SH3TC2: variants seen among roughly 807,000 people sequenced by gnomAD.
The protein encoded by SH3TC2 is SH3 domain and tetratricopeptide repeat-containing protein 2.
A neutral mutation model predicts 124.5 loss-of-function variants in SH3TC2; 87 were observed. The observed-to-expected ratio is 0.70, with a 90% confidence interval of 0.59 to 0.84. The LOEUF is 0.84. SH3TC2 is among the 40% of genes least tolerant of loss of function. The pLI is 0.00. For synonymous variants in SH3TC2, 634 were observed against 628.5 expected (o/e 1.01, Z -0.13); for missense variants, 1,536 against 1,566.4 (o/e 0.98, Z 0.33).
Position 149,048,056 on chromosome 5 carries a change from A to G in SH3TC2, c.152-67T>C, listed in dbSNP as rs1435393667. ...ATAAAAAGGAAGAAAGAGTTAGATT[A>G]GCCCACAGTTTCCCCTACATGTATA... On this transcript the variant is annotated intron_variant, in intron 2 of 16. Transcript: ENST00000515425. 3.7e-6 allele frequency: 6 copies of G among 1,602,742 alleles called. No individual in the cohort carries two copies. In the African/African-American group the frequency reaches 6.7e-5, roughly 18 times the overall value.
chr5:149,034,391 C>A, intron 8 of SH3TC2: 2 of 281,912 alleles, frequency 7.1e-6, no homozygotes, highest in Non-Finnish European at 1.4e-5. Flanking sequence ...TCCAACGTAC[C>A]TCTAATAGGA....
chr5:149,030,530 G>A (rs988400444), intron 9 of SH3TC2, among the ~76,000 whole-genome samples: 7 of 152,212 alleles, frequency 4.6e-5, no homozygotes, highest in African/African-American at 9.7e-5. Context: ...TCAGGCTCCC[G>A]CCTACTGGGC....
intron 9 of SH3TC2, among the ~76,000 whole-genome samples, chr5:149,030,615 T>C (rs1404107480): frequency 6.6e-6 from 1 of 152,248 alleles, no homozygotes; most frequent in Non-Finnish European, 1.5e-5. Flanking sequence ...GCAAGAAAGC[T>C]CTGCTAGGGC....
chr5:149,053,107 AC>A (rs2127403657), intron 1 of SH3TC2, among the ~76,000 whole-genome samples: 1 of 152,254 alleles, frequency 6.6e-6, no homozygotes, highest in African/African-American at 2.4e-5. Context: ...GAGTTAGGGA[AC>A]CTTGGCTCAA....
chr5:148,990,582 A>G lies in SH3TC2; in HGVS notation c.*14129T>C, dbSNP rs1055395363. ...GCCCCTGCTACTCACAAGCTATTGG[A>G]CCTCAAACAAGTTACTGAACTTCTC... is the stretch of plus-strand genomic sequence containing the variant. On this transcript the variant is annotated 3_prime_UTR_variant, in exon 17 of 17. Transcript: ENST00000515425. Among the ~76,000 whole-genome samples, 1 of 152,174 alleles carries G rather than the reference A, an allele frequency of 6.6e-6. No homozygotes were observed. Among genetic ancestry groups the G allele is most frequent in the African/African-American group, 2.4e-5 (1 of 41,450 alleles).
chr5:149,009,205 TAGA>T (rs1408337646), intron 14 of SH3TC2, among the ~76,000 whole-genome samples: 1 of 152,164 alleles, frequency 6.6e-6, no homozygotes, highest in African/African-American at 2.4e-5. Context: ...GATCTTAAAG[TAGA>T]AGAAGTAGAG....
intron 1 of SH3TC2, among the ~76,000 whole-genome samples, chr5:149,059,659 A>AG (rs1754711611): frequency 6.6e-6 from 1 of 152,138 alleles, no homozygotes; most frequent in Admixed American, 6.5e-5. Flanking sequence ...AAAAAAAAAA[A>AG]AAGTTGCATC....
At chr5:149,020,404 T>C (rs1269811326) in intron 12 of SH3TC2, among the ~76,000 whole-genome samples, 1 of 151,862 alleles carries the variant, frequency 6.6e-6, no homozygotes, top group African/African-American at 2.4e-5. Context: ...AATGCAGTAA[T>C]GGAGAAATAG....
rs1427095804 is a variant in SH3TC2, at chr5:148,999,509, C to T, written c.*5202G>A. ...CTTCCTTCTTTGCCGCTTGTCCACA[C>T]ATCTCAATGGGAGCAATTAAAAGAG... On this transcript the variant is annotated 3_prime_UTR_variant, in exon 17 of 17. Transcript: ENST00000515425. Among the ~76,000 whole-genome samples, 1 of 152,176 alleles carries T rather than the reference C, an allele frequency of 6.6e-6. No homozygotes were observed. The highest frequency in any genetic ancestry group is 2.4e-5 in the African/African-American group (1 of 41,434).
intron 9 of SH3TC2, among the ~76,000 whole-genome samples, chr5:149,029,851 G>A (rs1240601662): frequency 6.6e-6 from 1 of 152,008 alleles, no homozygotes; most frequent in Non-Finnish European, 1.5e-5. Context: ...TCCACAGGAT[G>A]GTAGCTGCTA....
Position 149,047,892 on chromosome 5 carries a change from A to G in SH3TC2, c.249T>C (p.Asn83=), listed in dbSNP as rs780621995. The stretch of plus-strand genomic sequence containing the variant: ...ACAGCATGCGCACCTCCTGGTCCTC[A>G]TTCTCCAGTGCCCAGAGCCGCCTCC... The part of the protein sequence containing the change: ...AARRRLWALE[N]EDQEVRMLFK... Residue 83 remains asparagine, a synonymous_variant, in exon 3 of 17, where the codon AAT becomes AAC. Coordinates refer to ENST00000515425, the MANE Select transcript of SH3TC2 (RefSeq NM_024577.4). 1 of 1,614,182 alleles carries G rather than the reference A, an allele frequency of 6.2e-7. No individual in the cohort carries two copies. The highest frequency in any genetic ancestry group is 8.5e-7 in the Non-Finnish European group (1 of 1,180,038).
At position 149,027,523 on chromosome 5, in the gene SH3TC2, A is replaced by T; in HGVS notation, c.2209T>A (p.Cys737Ser). The T allele has an allele frequency of 1.2e-6, 2 of 1,614,226 alleles. No individual in the cohort carries two copies. The highest frequency in any genetic ancestry group is 1.7e-6 in the Non-Finnish European group (2 of 1,180,044). The change falls in exon 11 of 17, where the codon TGC becomes AGC. Residue 737 changes from cysteine (C) to serine (S), a missense_variant. By Grantham distance (112) the Cys-to-Ser change is moderately radical. Transcript: ENST00000515425. ...GCCAGGGCCTGTCTGAGCATTGGGC[A>T]GGCCAAGGCAGAAACTTCACCCCAG... ...PGWGEVSALA[C>S]PMLRQALAAC...
chr5:149,041,725 G>T (rs1580910137), intron 5 of SH3TC2, 108 bp from the exon 6 acceptor site: 1 of 1,239,758 alleles, frequency 8.1e-7, no homozygotes, highest in Non-Finnish European at 1.2e-6. Context: ...TTTTCTTCCT[G>T]GAAGTAAAGT....
rs138600983 is a variant in SH3TC2, at chr5:148,991,481, G to A, written c.*13230C>T. Among the ~76,000 whole-genome samples the A allele has an allele frequency of 2.9e-3, 435 of 152,278 alleles. 2 individuals carry two copies. The highest frequency in any genetic ancestry group is 0.01 in the African/African-American group (416 of 41,562). ...ATTTCCCAGGACCCAGGAGTCTTTG[G>A]AAGTTTCTTGAGTGGGCTTCCACCT... On this transcript the variant is annotated 3_prime_UTR_variant, in exon 17 of 17. Coordinates refer to ENST00000515425, the MANE Select transcript of SH3TC2 (RefSeq NM_024577.4).
intron 12 of SH3TC2, among the ~76,000 whole-genome samples, chr5:149,020,861 G>A (rs10078963): frequency 0.22 from 33,090 of 151,998 alleles, 3,744 homozygotes; most frequent in African/African-American, 0.25. Context: ...ACAACTAGAG[G>A]TTTTAATAAC....
At chr5:149,007,386 G>T (rs1753709005) in intron 15 of SH3TC2, 5 of 585,302 alleles carry the variant, frequency 8.5e-6, no homozygotes, top group Admixed American at 6.0e-5. Flanking sequence ...ATTCCCAGAA[G>T]AAAATTTTCT....
chr5:148,998,684 C>T lies in SH3TC2; in HGVS notation c.*6027G>A, dbSNP rs1434389241. Among the ~76,000 whole-genome samples, 1 of 152,196 alleles carries T rather than the reference C, an allele frequency of 6.6e-6. No homozygotes were observed. The highest frequency in any genetic ancestry group is 1.5e-5 in the Non-Finnish European group (1 of 68,042). On this transcript the variant is annotated 3_prime_UTR_variant, in exon 17 of 17. Coordinates refer to ENST00000515425, the MANE Select transcript of SH3TC2 (RefSeq NM_024577.4). ...ACGCAAGTTATTCTTGATCCTGCACCATGGCAGCTGGGGAGAATCCCCACC... is the reference window on the plus strand; with the variant it reads ...ACGCAAGTTATTCTTGATCCTGCACTATGGCAGCTGGGGAGAATCCCCACC...
In SH3TC2 at chr5:148,998,568, C is replaced by A. The variant is rs928239189; in HGVS notation, c.*6143G>T. Among the ~76,000 whole-genome samples, 1 of 152,184 alleles carries A rather than the reference C, an allele frequency of 6.6e-6. No individual in the cohort carries two copies. The highest frequency in any genetic ancestry group is 1.9e-4 in the East Asian group (1 of 5,192). On this transcript the variant is annotated 3_prime_UTR_variant, in exon 17 of 17. Coordinates refer to ENST00000515425, the MANE Select transcript of SH3TC2 (RefSeq NM_024577.4). ...GCAGCTGGGTTCTCACCTTTGAAATCGTTTTGAAAGCACAGCATCCTTCCC... is the reference window on the plus strand; with the variant it reads ...GCAGCTGGGTTCTCACCTTTGAAATAGTTTTGAAAGCACAGCATCCTTCCC...
chr5:149,030,724 C>T lies in SH3TC2; in HGVS notation c.1135+830G>A, dbSNP rs568529505. On this transcript the variant is annotated intron_variant, in intron 9 of 16. Coordinates refer to ENST00000515425, the MANE Select transcript of SH3TC2 (RefSeq NM_024577.4). The stretch of plus-strand genomic sequence containing the variant: ...CTACTCCTGGGAGATGGCCTGAGGG[C>T]CCCTTCAGCAGAATCTCTAGCTGTA... 1.4e-4 allele frequency among the ~76,000 whole-genome samples: 21 copies of T among 152,356 alleles called. No homozygotes were observed. In the East Asian group the frequency reaches 3.5e-3, roughly 25 times the overall value.
Sources: gnomAD v4.1 joint callset for allele counts (sites outside exome capture counted in the v4.1 genomes callset) on GRCh38, gnomAD v4.1.1 for gene constraint, MANE v1.5 for transcripts, NCBI Gene and HGNC (gene_info 2026-07-23, HGNC 2026-07-21) for gene names.